TMEM131L: variants seen among roughly 807,000 people sequenced by gnomAD.
TMEM131L encodes transmembrane protein 131-like.
A neutral mutation model predicts 192.2 loss-of-function variants in TMEM131L; 54 were observed. That is an observed-to-expected ratio of 0.28 (90% CI 0.23 to 0.35). TMEM131L has a LOEUF of 0.35. Ranked by LOEUF, TMEM131L falls within the 10% of genes least tolerant of loss-of-function variation. The pLI, the probability that TMEM131L is intolerant of heterozygous loss-of-function variation, is 1.00. For missense variants in TMEM131L, 1,888 were observed against 1,972.9 expected (o/e 0.96, Z 0.82); for synonymous variants, 701 against 704.9 (o/e 0.99, Z 0.09).
chr4:153,621,812 A>C lies in TMEM131L; in HGVS notation c.3822A>C (p.Glu1274Asp). Reference sequence around the variant, plus strand: ...GGGAGGTTTGTAAAGCAGATGCCGAAATTGCAAGCAGTTTACCTGCTGCCC... The same window carrying C: ...GGGAGGTTTGTAAAGCAGATGCCGACATTGCAAGCAGTTTACCTGCTGCCC... ...STREVCKADA[E>D]IASSLPAAQR... The change falls in exon 28 of 35, where the codon GAA becomes GAC. Residue 1274 changes from glutamate to aspartate, a missense_variant. Physicochemically the swap from Glu to Asp is conservative, Grantham distance 45. Transcript: ENST00000409959. The C allele has an allele frequency of 6.2e-7, 1 of 1,614,162 alleles. No individual in the cohort carries two copies. Among genetic ancestry groups the C allele is most frequent in the South Asian group, 1.1e-5 (1 of 91,082 alleles).
At chr4:153,522,451 G>C (rs1286431466) in intron 3 of TMEM131L, among the ~76,000 whole-genome samples, 2 of 152,164 alleles carry the variant, frequency 1.3e-5, no homozygotes, top group Non-Finnish European at 2.9e-5. Context: ...CGTGAAGGCA[G>C]TGCTGCGGGC....
chr4:153,568,801 A>C lies in TMEM131L; in HGVS notation c.660+10433A>C, dbSNP rs569958015. ...CTAATAAATAACACCTCTCTTCCTGACCAAGTTCTGAATCATTGGATATTT... is the reference window on the plus strand; with the variant it reads ...CTAATAAATAACACCTCTCTTCCTGCCCAAGTTCTGAATCATTGGATATTT... On this transcript the variant is annotated intron_variant, in intron 7 of 34. Transcript: ENST00000409959. Among the ~76,000 whole-genome samples, 3 of 152,344 alleles carry C rather than the reference A, an allele frequency of 2.0e-5. No homozygotes were observed. The South Asian group carries it at 6.2e-4, about 32-fold the overall frequency.
At chr4:153,568,804 A>C (rs188521781) in intron 7 of TMEM131L, among the ~76,000 whole-genome samples, 31 of 152,356 alleles carry the variant, frequency 2.0e-4, no homozygotes, top group Admixed American at 1.3e-3. Context: ...CTTCCTGACC[A>C]AGTTCTGAAT....
At chr4:153,599,503 A>AC (rs979881513) in intron 21 of TMEM131L, among the ~76,000 whole-genome samples, 1 of 152,084 alleles carries the variant, frequency 6.6e-6, no homozygotes, top group African/African-American at 2.4e-5. Context: ...ACACAGCAAG[A>AC]CCCCTTCTCT....
chr4:153,629,784 G>A (rs1578906288), intron 31 of TMEM131L, among the ~76,000 whole-genome samples: 1 of 152,142 alleles, frequency 6.6e-6, no homozygotes, highest in South Asian at 2.1e-4. Context: ...GTAGACCTTA[G>A]GTTCCTGACC....
Position 153,627,630 on chromosome 4 carries a change from G to T in TMEM131L, c.4150G>T (p.Ala1384Ser), listed in dbSNP as rs1256409126. 1.4e-5 allele frequency: 23 copies of T among 1,613,980 alleles called. No individual in the cohort carries two copies. Among genetic ancestry groups the T allele is most frequent in the Non-Finnish European group, 1.9e-5 (22 of 1,179,904 alleles). The change falls in exon 31 of 35, where the codon GCA (alanine) becomes TCA (serine). Residue 1384 changes from alanine to serine, a missense_variant. Coordinates refer to ENST00000409959, the MANE Select transcript of TMEM131L (RefSeq NM_001131007.2). ...PMTVNSLPQY[A>S]EPSCPSLPAG... is the part of the protein sequence containing the mutation. ...GACCGTGAATAGTCTCCCACAATAC[G>T]CAGAGCCTTCCTGTCCCAGCCTTCC...
chr4:153,617,101 T>C (rs901142441), intron 26 of TMEM131L, among the ~76,000 whole-genome samples: 2 of 151,822 alleles, frequency 1.3e-5, no homozygotes, highest in Admixed American at 6.6e-5. Context: ...CTATGGGAGG[T>C]GGTTGAATTA....
At chr4:153,599,253 A>G (rs1056293376) in intron 21 of TMEM131L, among the ~76,000 whole-genome samples, 1 of 152,300 alleles carries the variant, frequency 6.6e-6, no homozygotes, top group East Asian at 1.9e-4. Flanking sequence ...TCTCACGACA[A>G]CTCACTATCA....
intron 3 of TMEM131L, among the ~76,000 whole-genome samples, chr4:153,528,087 C>G (rs116814958): frequency 0.013 from 1,957 of 152,262 alleles, 48 homozygotes; most frequent in African/African-American, 0.042. Context: ...GTTGAGTTCT[C>G]TCATCTCTGA....
chr4:153,576,537 A>T lies in TMEM131L; in HGVS notation c.661-4289A>T, dbSNP rs138059483. 8.5e-4 allele frequency among the ~76,000 whole-genome samples: 129 copies of T among 152,340 alleles called. No individual in the cohort carries two copies. The South Asian group carries it at 0.01, about 12-fold the overall frequency. On this transcript the variant is annotated intron_variant, in intron 7 of 34. Coordinates refer to ENST00000409959, the MANE Select transcript of TMEM131L (RefSeq NM_001131007.2). The stretch of plus-strand genomic sequence containing the variant: ...AAATCATAGCAAATTACTCTGCGAA[A>T]TAGGGTTGTTAATTGTGTCAAAAAC...
At chr4:153,512,395 G>A (rs1207897416) in intron 3 of TMEM131L, among the ~76,000 whole-genome samples, 1 of 152,092 alleles carries the variant, frequency 6.6e-6, no homozygotes, top group Non-Finnish European at 1.5e-5. Flanking sequence ...GTAATGAGGA[G>A]GACAGTAAGC....
Position 153,588,913 on chromosome 4 carries a change from CT to C in TMEM131L, c.1579del (p.Ser527LeufsTer43). On this transcript the variant is annotated frameshift_variant, in exon 16 of 35. Coordinates refer to ENST00000409959, the MANE Select transcript of TMEM131L (RefSeq NM_001131007.2). LOFTEE classifies it high-confidence loss of function. ...KAGNPNWNGS[L>X]SLDQSTWNVD... ...AGGAAATCCTAATTGGAATGGGAGC[CT>C]TTCTCTGGATCAATCTACCTGGAAT... 6.3e-7 allele frequency: 1 copy of C among 1,593,334 alleles called. No individual in the cohort carries two copies. The highest frequency in any genetic ancestry group is 8.6e-7 in the Non-Finnish European group (1 of 1,161,128).
chr4:153,507,959 T>C (rs1734099073), intron 3 of TMEM131L, among the ~76,000 whole-genome samples: 1 of 152,168 alleles, frequency 6.6e-6, no homozygotes. Context: ...CTAAGAACGC[T>C]GACACATTTC....
chr4:153,485,059 C>G (rs995078850), intron 3 of TMEM131L, among the ~76,000 whole-genome samples: 1 of 142,924 alleles, frequency 7.0e-6, no homozygotes, highest in African/African-American at 2.6e-5. Flanking sequence ...GTGGAGCTTG[C>G]AGTGAGCCGA....
chr4:153,480,392 A>T (rs908774609), intron 3 of TMEM131L, among the ~76,000 whole-genome samples: 2 of 150,562 alleles, frequency 1.3e-5, no homozygotes, highest in Non-Finnish European at 3.0e-5. Context: ...TGGCAGCATG[A>T]GCCTGTAGTC....
chr4:153,547,137 T>A (rs142128394), intron 3 of TMEM131L, among the ~76,000 whole-genome samples: 1 of 152,184 alleles, frequency 6.6e-6, no homozygotes, highest in East Asian at 1.9e-4. Flanking sequence ...TTTATGACTC[T>A]TAGAGAAAAA....
Position 153,598,751 on chromosome 4 carries a change from C to T in TMEM131L, c.2266+19C>T, listed in dbSNP as rs1255526484. ...CGTAGACGTGAGTTCATATGTGTGG[C>T]ACTCTGACAGGGGAGGTTGGCATTA... is the stretch of plus-strand genomic sequence containing the variant. On this transcript the variant is annotated intron_variant, in intron 21 of 34. Transcript: ENST00000409959. 1.3e-6 allele frequency: 2 copies of T among 1,551,806 alleles called. No homozygotes were observed. Among genetic ancestry groups the T allele is most frequent in the Non-Finnish European group, 1.7e-6 (2 of 1,143,924 alleles).
At chr4:153,584,770 T>C in intron 11 of TMEM131L, 65 bp from the exon 12 acceptor site, 2 of 1,114,790 alleles carry the variant, frequency 1.8e-6, no homozygotes, top group South Asian at 2.8e-5. Flanking sequence ...GACATATATC[T>C]TTTGTTCAGG....
At chr4:153,600,590 A>G (rs1038105650) in intron 21 of TMEM131L, among the ~76,000 whole-genome samples, 3 of 152,204 alleles carry the variant, frequency 2.0e-5, no homozygotes, top group Non-Finnish European at 4.4e-5. Context: ...TTCCTCAGGA[A>G]CTGAAACAGA....
Sources: allele counts gnomAD v4.1 joint callset (sites outside exome capture counted in the v4.1 genomes callset), GRCh38; gene constraint gnomAD v4.1.1; transcripts MANE v1.5; gene names NCBI Gene and HGNC (gene_info 2026-07-23, HGNC 2026-07-21).